The following ARHGEF37 variants were observed in gnomAD, a reference collection of about 807,000 sequenced individuals.
The protein encoded by ARHGEF37 is Rho guanine nucleotide exchange factor 37.
Under a neutral mutation model 71.1 loss-of-function variants are expected in ARHGEF37, and 55 were observed. The observed-to-expected ratio is 0.77, with a 90% CI of 0.62 to 0.97. The LOEUF is 0.97. Among genes scored for constraint, ARHGEF37 ranks in the 50% least tolerant of loss-of-function variants. The pLI is 0.00. For missense variants in ARHGEF37, 765 were observed against 836.8 expected, an observed-to-expected ratio of 0.91 and a Z score of 1.06; for synonymous variants, 327 against 350.6, an observed-to-expected ratio of 0.93 and a Z score of 0.75.
chr5:149,558,502 TC>T (rs1202235083), intron 1 of ARHGEF37, among the ~76,000 whole-genome samples: 7 of 151,860 alleles, frequency 4.6e-5, no homozygotes, highest in Non-Finnish European at 1.0e-4. Context: ...CGAGACTCAG[TC>T]CCCCTCTCAC....
At position 149,620,918 on chromosome 5, in the gene ARHGEF37, T is replaced by A. The variant is rs867341717; in HGVS notation, c.1005+454T>A. ...CATAGAGATTATTATTAGTGCACTT[T>A]CCTGATAAAAATAGCCCCCACTAAC... On this transcript the variant is annotated intron_variant, in intron 8 of 12. Coordinates refer to ENST00000333677, the MANE Select transcript of ARHGEF37 (RefSeq NM_001001669.3). 1.1e-3 allele frequency among the ~76,000 whole-genome samples: 169 copies of A among 152,320 alleles called. 1 individual carries two copies. The highest frequency in any genetic ancestry group is 3.8e-3 in the African/African-American group (160 of 41,580).
chr5:149,553,550 A>G (rs181137649), intron 1 of ARHGEF37, among the ~76,000 whole-genome samples: 1 of 152,190 alleles, frequency 6.6e-6, no homozygotes, highest in Admixed American at 6.5e-5. Context: ...GGAGTTCTCC[A>G]TAAGGGGATG....
chr5:149,630,875 A>G (rs1752860523), intron 12 of ARHGEF37, among the ~76,000 whole-genome samples: 3 of 152,182 alleles, frequency 2.0e-5, no homozygotes, highest in African/African-American at 4.8e-5. Context: ...CAGTAATGAC[A>G]GTAATGGTAA....
chr5:149,603,222 C>T (rs146258020), intron 3 of ARHGEF37, among the ~76,000 whole-genome samples: 1,549 of 152,244 alleles, frequency 0.01, 34 homozygotes, highest in African/African-American at 0.035. Context: ...TGTGAGCCAC[C>T]GTGCCTGGCC....
chr5:149,604,044 TG>T (rs370346598), intron 3 of ARHGEF37, among the ~76,000 whole-genome samples: 15 of 152,236 alleles, frequency 9.9e-5, no homozygotes, highest in African/African-American at 3.6e-4. Flanking sequence ...GAATGGAAAT[TG>T]ATATAGCCTC....
chr5:149,606,954 C>T lies in ARHGEF37; in HGVS notation c.311-2594C>T, dbSNP rs188790743. Among the ~76,000 whole-genome samples the T allele has an allele frequency of 2.8e-3, 433 of 152,254 alleles. 1 individual carries two copies. The highest frequency in any genetic ancestry group is 4.9e-3 in the Non-Finnish European group (335 of 68,020). ...ATTTTTTGAGACAGTCTTGCTCTGT[C>T]GCCCAGGCTGGAGTGCAGTGGTGCA... is the stretch of plus-strand genomic sequence containing the variant. On this transcript the variant is annotated intron_variant, in intron 3 of 12. Transcript: ENST00000333677.
At chr5:149,621,589 G>A in intron 8 of ARHGEF37, 144 bp from the exon 9 acceptor site, 1 of 730,500 alleles carries the variant, frequency 1.4e-6, no homozygotes, top group South Asian at 1.9e-5. Flanking sequence ...GAGGCCCAGA[G>A]AAGTTAGATA....
At chr5:149,600,642 T>TG (rs1251736892) in intron 2 of ARHGEF37, among the ~76,000 whole-genome samples, 1 of 123,282 alleles carries the variant, frequency 8.1e-6, no homozygotes, top group Non-Finnish European at 1.7e-5. Context: ...TGAAAATACC[T>TG]AATTTTTTTT....
chr5:149,570,116 G>C (rs1344451449), intron 1 of ARHGEF37, among the ~76,000 whole-genome samples: 1 of 152,122 alleles, frequency 6.6e-6, no homozygotes, highest in Admixed American at 6.6e-5. Flanking sequence ...ATTTTCTCTA[G>C]TCACGGATGA....
chr5:149,634,765 A>C lies in ARHGEF37; in HGVS notation c.*2574A>C, dbSNP rs1190464438. ...AACTGAACAAGACTTCCAGGAGTTG[A>C]AGTCTGGTTCACAAGGGTACCCCTT... On this transcript the variant is annotated 3_prime_UTR_variant, in exon 13 of 13. Coordinates refer to ENST00000333677, the MANE Select transcript of ARHGEF37 (RefSeq NM_001001669.3). The C allele has an allele frequency of 6.5e-6, 1 of 152,756 alleles. No individual in the cohort carries two copies. The highest frequency in any genetic ancestry group is 2.1e-4 in the South Asian group (1 of 4,824). The allele number at this position is 152,756 out of a possible 1,614,324, so 9.5% of individuals were successfully genotyped here.
chr5:149,590,808 A>G (rs1763384507), intron 1 of ARHGEF37, among the ~76,000 whole-genome samples: 1 of 151,948 alleles, frequency 6.6e-6, no homozygotes, highest in Non-Finnish European at 1.5e-5. Context: ...CACGTTGCCC[A>G]CTGTGGTCTC....
intron 5 of ARHGEF37, 78 bp from the exon 6 acceptor site, chr5:149,618,098 C>T: frequency 6.3e-7 from 1 of 1,583,790 alleles, no homozygotes; most frequent in Non-Finnish European, 8.6e-7. Context: ...AAGCAGGTGC[C>T]CAGCCGGGCA....
intron 1 of ARHGEF37, among the ~76,000 whole-genome samples, chr5:149,576,064 G>A (rs1763025667): frequency 6.6e-6 from 1 of 152,102 alleles, no homozygotes; most frequent in East Asian, 1.9e-4. Context: ...TGGCCAAAGT[G>A]GTGAAACCCC....
chr5:149,555,091 A>G (rs1441183145), intron 1 of ARHGEF37, among the ~76,000 whole-genome samples: 1 of 150,062 alleles, frequency 6.7e-6, no homozygotes, highest in Non-Finnish European at 1.5e-5. Flanking sequence ...AGATCGTGCC[A>G]TTGCACTCCA....
At chr5:149,622,823 T>C (rs1351060291) in intron 9 of ARHGEF37, among the ~76,000 whole-genome samples, 1 of 152,222 alleles carries the variant, frequency 6.6e-6, no homozygotes, top group Non-Finnish European at 1.5e-5. Context: ...ACCCAACTGC[T>C]TCCAGATCTT....
At chr5:149,580,514 C>T (rs1003934160), upstream of ARHGEF37, among the ~76,000 whole-genome samples, 9 of 152,094 alleles carry the variant, frequency 5.9e-5, no homozygotes, top group African/African-American at 2.2e-4. Flanking sequence ...AGTCTGAATT[C>T]GAATACTGGC....
chr5:149,594,674 G>C (rs2113296290), intron 1 of ARHGEF37, among the ~76,000 whole-genome samples: 1 of 152,288 alleles, frequency 6.6e-6, no homozygotes, highest in African/African-American at 2.4e-5. Flanking sequence ...CAAGAGCTTA[G>C]TGTCTAGCCA....
At chr5:149,597,675 G>A in intron 1 of ARHGEF37, 84 bp from the exon 2 acceptor site, 1 of 1,287,972 alleles carries the variant, frequency 7.8e-7, no homozygotes, top group Non-Finnish European at 1.0e-6. Context: ...TAGGCCTCTT[G>A]ATGAGTAATT....
chr5:149,601,440 C>T (rs973888160), intron 3 of ARHGEF37, among the ~76,000 whole-genome samples: 1 of 152,132 alleles, frequency 6.6e-6, no homozygotes, highest in East Asian at 1.9e-4. Flanking sequence ...AGACCGAGCC[C>T]CAGAGACAGA....
Sources: allele counts gnomAD v4.1 joint callset (sites outside exome capture counted in the v4.1 genomes callset), GRCh38; gene constraint gnomAD v4.1.1; transcripts MANE v1.5; gene names NCBI Gene and HGNC (gene_info 2026-07-23, HGNC 2026-07-21).